Variants in TMEM35A observed in about 807,000 individuals in gnomAD.
TMEM35A encodes transmembrane protein 35A, also known as nicotinic acetylcholine receptor chaperone.
For synonymous variants in TMEM35A, 50 were observed against 54.7 expected (o/e 0.91, Z 0.38); for missense variants, 83 against 132.7 (o/e 0.63, Z 1.84).
chrX:101,084,485 C>T (rs1424442314), intron 1 of TMEM35A, among the ~76,000 whole-genome samples: 1 of 110,722 alleles, frequency 9.0e-6, no homozygotes, highest in African/African-American at 3.3e-5. Context: ...TGAAGTATAA[C>T]ATATATACTG....
At chrX:101,085,289 G>GA (rs1569495642) in intron 1 of TMEM35A, among the ~76,000 whole-genome samples, 1 of 111,492 alleles carries the variant, frequency 9.0e-6, no homozygotes, top group Non-Finnish European at 1.9e-5. Flanking sequence ...TGACAAAAAG[G>GA]AAAAAAAGGT....
intron 1 of TMEM35A, among the ~76,000 whole-genome samples, chrX:101,083,129 C>T (rs1467183697): frequency 8.9e-6 from 1 of 111,734 alleles, no homozygotes; most frequent in Non-Finnish European, 1.9e-5. Context: ...ATACCTCCTC[C>T]AGATTTAGCA....
chrX:101,089,822 C>T (rs2089318249), intron 1 of TMEM35A, among the ~76,000 whole-genome samples: 1 of 110,506 alleles, frequency 9.0e-6, no homozygotes, highest in Admixed American at 9.8e-5. Context: ...TGTTTGCATC[C>T]AAACCATGCT....
Position 101,085,332 on chromosome X carries a change from C to G in TMEM35A, c.120+6210C>G, listed in dbSNP as rs760081046. ...AAGAAAGGCTCTGGCTGGGCGCGGT[C>G]GCTCACGCCTGTAATCCCAGCACTT... On this transcript the variant is annotated intron_variant, in intron 1 of 1. Transcript: ENST00000372930. Among the ~76,000 whole-genome samples the G allele has an allele frequency of 7.7e-4, 86 of 111,825 alleles. 1 individual carries two copies. The highest frequency in any genetic ancestry group is 1.1e-3 in the Non-Finnish European group (60 of 53,107).
rs900373160 is a variant in TMEM35A at position 101,078,911 on chromosome X, C to T, written c.-92C>T. The T allele has an allele frequency of 1.4e-5, 16 of 1,106,076 alleles. No homozygotes were observed. The highest frequency in any genetic ancestry group is 2.4e-5 in the Admixed American group (1 of 41,493). 91.2% of individuals were successfully genotyped at this position (1,106,076 alleles called of 1,213,427 possible). ...TAGCTGCCTGCTGCCTCCGCAGCGT[C>T]CCCCCAGCTCTCCCTGTGCTAACTG... On this transcript the variant is annotated 5_prime_UTR_variant, in exon 1 of 2. Transcript: ENST00000372930.
chrX:101,078,939 T>A lies in TMEM35A; in HGVS notation c.-64T>A. On this transcript the variant is annotated 5_prime_UTR_variant, in exon 1 of 2. Transcript: ENST00000372930. ...CCCAGCTCTCCCTGTGCTAACTGCC[T>A]GCACCTTGGACAGAGCGGGTGCGCA... is the stretch of plus-strand genomic sequence containing the variant. 4 of 1,199,906 alleles carry A rather than the reference T, an allele frequency of 3.3e-6. No individual in the cohort carries two copies. Among genetic ancestry groups the A allele is most frequent in the Non-Finnish European group, 4.5e-6 (4 of 887,518 alleles).
At chrX:101,093,521 C>T (rs1356673177) in intron 1 of TMEM35A, among the ~76,000 whole-genome samples, 1 of 110,106 alleles carries the variant, frequency 9.1e-6, no homozygotes, top group African/African-American at 3.3e-5. Context: ...ACCATGTTGG[C>T]CAGGCTGTTC....
chrX:101,094,092 A>C (rs2089331835), intron 1 of TMEM35A, among the ~76,000 whole-genome samples: 1 of 111,410 alleles, frequency 9.0e-6, no homozygotes, highest in African/African-American at 3.3e-5. Context: ...GGTTTAAATC[A>C]CAGGGATTCC....
chrX:101,094,520 A>G (rs2089333054), intron 1 of TMEM35A, 53 bp from the exon 2 acceptor site: 2 of 1,125,401 alleles, frequency 1.8e-6, no homozygotes, highest in East Asian at 3.0e-5. Context: ...TCTTCATTCT[A>G]ATGTTAAAAT....
At chrX:101,084,541 C>G (rs939888296) in intron 1 of TMEM35A, among the ~76,000 whole-genome samples, 1 of 111,525 alleles carries the variant, frequency 9.0e-6, no homozygotes, top group African/African-American at 3.3e-5. Context: ...ATTTTCAGAA[C>G]ATTCCCATGT....
chrX:101,079,153 C>T, intron 1 of TMEM35A, 31 bp downstream of exon 1: 1 of 1,207,108 alleles, frequency 8.3e-7, no homozygotes, highest in Non-Finnish European at 1.1e-6. Context: ...ATGAGGAGCG[C>T]ACTCCCATGG....
chrX:101,084,682 T>C (rs1482975454), intron 1 of TMEM35A, among the ~76,000 whole-genome samples: 1 of 110,604 alleles, frequency 9.0e-6, no homozygotes, highest in African/African-American at 3.3e-5. Flanking sequence ...CTGGGCGACA[T>C]GGCAAAACCC....
chrX:101,081,840 A>C (rs2089292695), intron 1 of TMEM35A: 1 of 111,815 alleles, frequency 8.9e-6, no homozygotes, highest in South Asian at 3.8e-4. Flanking sequence ...ACTAAAGCAG[A>C]ACAAGTTTAA....
chrX:101,090,213 T>C (rs2089319733), intron 1 of TMEM35A, among the ~76,000 whole-genome samples: 1 of 107,066 alleles, frequency 9.3e-6, no homozygotes, highest in Admixed American at 1.0e-4. Flanking sequence ...CCCAGGCTGG[T>C]GCCATCTTGA....
rs1421418495 is a variant in TMEM35A at position 101,094,771 on chromosome X, C to G, written c.319C>G (p.Leu107Val). 8 of 1,211,515 alleles carry G rather than the reference C, an allele frequency of 6.6e-6. No individual in the cohort carries two copies. The highest frequency in any genetic ancestry group is 1.7e-5 in the African/African-American group (1 of 57,759). The change falls in exon 2 of 2, where the codon CTG becomes GTG. Residue 107 changes from leucine to valine, a missense_variant. Leu to Val is a conservative substitution (Grantham distance 32, BLOSUM62 1). Transcript: ENST00000372930. ...LVLAVLFFHQ[L>V]VGDPLKRYAH... ...GTTGGCTGTGCTCTTCTTCCACCAG[C>G]TGGTCGGTGATCCTCTCAAACGCTA...
At chrX:101,094,128 T>A (rs921749356) in intron 1 of TMEM35A, among the ~76,000 whole-genome samples, 3 of 110,978 alleles carry the variant, frequency 2.7e-5, no homozygotes, top group Non-Finnish European at 5.7e-5. Context: ...TTTGGATTTT[T>A]TTTTTTTGAT....
intron 1 of TMEM35A, among the ~76,000 whole-genome samples, chrX:101,084,869 A>G (rs2089302455): frequency 9.0e-6 from 1 of 110,498 alleles, no homozygotes; most frequent in Non-Finnish European, 1.9e-5. Context: ...CATCTCAAAA[A>G]ACAAACAAAC....
At chrX:101,089,029 A>T (rs2089315562) in intron 1 of TMEM35A, among the ~76,000 whole-genome samples, 1 of 111,240 alleles carries the variant, frequency 9.0e-6, no homozygotes, top group Non-Finnish European at 1.9e-5. Flanking sequence ...ATGAGAGGAA[A>T]GGGGTGGGCT....
intron 1 of TMEM35A, among the ~76,000 whole-genome samples, chrX:101,084,197 A>G (rs1175626130): frequency 9.3e-6 from 1 of 107,990 alleles, no homozygotes; most frequent in African/African-American, 3.4e-5. Flanking sequence ...TCAAAAAAAA[A>G]AAAAAAAAAA....
Sources: allele counts gnomAD v4.1 joint callset (sites outside exome capture counted in the v4.1 genomes callset), GRCh38; gene constraint gnomAD v4.1.1; transcripts MANE v1.5; gene names NCBI Gene and HGNC (gene_info 2026-07-23, HGNC 2026-07-21).